PWP1: variants seen among roughly 807,000 people sequenced by gnomAD.
The protein encoded by PWP1 is periodic tryptophan protein 1 homolog.
PWP1 carries 47 observed loss-of-function variants against 69.9 expected under a neutral mutation model. That is an observed-to-expected ratio of 0.67 (90% CI 0.53 to 0.86). PWP1 has a LOEUF of 0.86. Ranked by LOEUF, PWP1 falls within the 40% of genes least tolerant of loss-of-function variation. The pLI is 0.00. For missense variants in PWP1, 551 were observed against 608.8 expected (o/e 0.91, Z 1.00); for synonymous variants, 222 against 208.2 (o/e 1.07, Z -0.57).
intron 6 of PWP1, 116 bp downstream of exon 6, chr12:107,696,700 G>C: frequency 6.8e-7 from 1 of 1,468,624 alleles, no homozygotes; most frequent in East Asian, 2.4e-5. Flanking sequence ...ATTTTCTGAA[G>C]TTACTGTTAT....
intron 5 of PWP1, 71 bp from the exon 6 acceptor site, chr12:107,696,403 T>C (rs1332930967): frequency 1.3e-6 from 2 of 1,572,140 alleles, no homozygotes; most frequent in African/African-American, 1.4e-5. Flanking sequence ...TAGAATTTGT[T>C]TTTTTGAGCG....
At position 107,710,257 on chromosome 12, in the gene PWP1, C is replaced by CGTT. The variant is rs1889920607; in HGVS notation, c.1291-148_1291-147insGTT. The CGTT allele has an allele frequency of 2.3e-6, 3 of 1,295,714 alleles. No individual in the cohort carries two copies. The Admixed American group carries it at 8.6e-5, about 37-fold the overall frequency. The allele number at this position is 1,295,714 out of a possible 1,614,324, so 80.3% of individuals were successfully genotyped here. ...CTAGCCCTTCTGACTTGACTCTGAG[C>CGTT]TACCTTTGCAGTAGGCTTGAAAGTG... On this transcript the variant is annotated intron_variant, in intron 13 of 14. Transcript: ENST00000412830.
chr12:107,709,927 C>T (rs143110941), intron 13 of PWP1, among the ~76,000 whole-genome samples: 22 of 152,098 alleles, frequency 1.4e-4, no homozygotes, highest in South Asian at 8.3e-4. Flanking sequence ...GAACATAAAC[C>T]GTGGTTACCT....
Position 107,688,454 on chromosome 12 carries a change from C to G in PWP1, c.79C>G (p.Leu27Val). The G allele has an allele frequency of 6.2e-7, 1 of 1,613,566 alleles. No homozygotes were observed. The highest frequency in any genetic ancestry group is 8.5e-7 in the Non-Finnish European group (1 of 1,179,774). Residue 27 changes from leucine (L) to valine (V), a missense_variant, in exon 2 of 15, where the codon CTG becomes GTG. Leu to Val is a conservative substitution (Grantham distance 32). Transcript: ENST00000412830. ...AATCTTTGCTCTCTTACAGGTAGAG[C>G]TGAGTAAAGAAGAAGTAAAACGCCT... ...VAKETPDKVE[L>V]SKEEVKRLIA...
At chr12:107,710,366 G>A (rs764373193) in intron 13 of PWP1, 39 bp from the exon 14 acceptor site, 2 of 1,608,772 alleles carry the variant, frequency 1.2e-6, no homozygotes, top group Non-Finnish European at 1.7e-6. Context: ...AGCGCTTTCT[G>A]AAGAGATTGA....
Position 107,702,960 on chromosome 12 carries a change from G to A in PWP1, c.832G>A (p.Asp278Asn). ...AAATGTTTTAGCAAGTGCATCAGCT[G>A]ACAACACTGTAATTCTGTGGGATAT... ...IRNVLASASADNTVILWDMSL... is the reference protein window; with the variant it reads ...IRNVLASASANNTVILWDMSL... The change falls in exon 9 of 15, where the codon GAC (aspartate) becomes AAC (asparagine). Residue 278 changes from aspartate (D) to asparagine (N), a missense_variant. Asp to Asn is a conservative substitution (Grantham distance 23). Transcript: ENST00000412830. The A allele has an allele frequency of 6.2e-7, 1 of 1,611,072 alleles. No homozygotes were observed. The highest frequency in any genetic ancestry group is 8.5e-7 in the Non-Finnish European group (1 of 1,177,284).
rs774799413 is a variant in PWP1, at chr12:107,708,991, T to A, written c.1143T>A (p.Leu381=). Residue 381 remains leucine, a synonymous_variant, in exon 12 of 15, where the codon CTT becomes CTA. Coordinates refer to ENST00000412830, the MANE Select transcript of PWP1 (RefSeq NM_007062.3). ...GTTCAGATAAGCCAATTTTTACACTTAATGCACACAATGATGAAATCTCTG... is the reference window on the plus strand; with the variant it reads ...GTTCAGATAAGCCAATTTTTACACTAAATGCACACAATGATGAAATCTCTG... ...DARSDKPIFT[L]NAHNDEISGL... is the part of the protein sequence containing the mutation. 1.2e-6 allele frequency: 2 copies of A among 1,613,910 alleles called. No homozygotes were observed. The highest frequency in any genetic ancestry group is 3.3e-5 in the Admixed American group (2 of 59,942).
At chr12:107,710,570 AAAAG>A in intron 14 of PWP1, 60 bp downstream of exon 14, 5 of 1,474,074 alleles carry the variant, frequency 3.4e-6, no homozygotes, top group East Asian at 2.4e-5. Context: ...AAAAAAAAAA[AAAAG>A]ACAGGGTCTC....
At chr12:107,704,774 C>A (rs536314126) in intron 11 of PWP1, 27 bp downstream of exon 11, 4 of 1,576,632 alleles carry the variant, frequency 2.5e-6, no homozygotes, top group Admixed American at 3.3e-5. Context: ...TGTTGTTTTG[C>A]TTTTCTAGGT....
chr12:107,701,303 T>G (rs1262722825), intron 8 of PWP1, among the ~76,000 whole-genome samples: 1 of 152,066 alleles, frequency 6.6e-6, no homozygotes, highest in Non-Finnish European at 1.5e-5. Context: ...TCCCTTTGCC[T>G]GTTTTTTGTG....
chr12:107,693,119 A>C (rs2287215), intron 5 of PWP1, 23 bp downstream of exon 5: 344,554 of 1,569,752 alleles, frequency 0.22, 43,477 homozygotes, highest in East Asian at 0.56. Flanking sequence ...TCCCTTATTA[A>C]AAGATTTTCT....
At chr12:107,686,181 C>G in intron 1 of PWP1, 3 of 604,640 alleles carry the variant, frequency 5.0e-6, no homozygotes, top group Non-Finnish European at 8.8e-6. Flanking sequence ...CGCGCCTTCT[C>G]ACTGTTCCCA....
intron 3 of PWP1, among the ~76,000 whole-genome samples, chr12:107,691,269 C>T (rs917734156): frequency 5.3e-5 from 8 of 152,168 alleles, no homozygotes; most frequent in Non-Finnish European, 1.5e-5. Context: ...GCAAGTTGAT[C>T]TGCATGAGTG....
intron 5 of PWP1, among the ~76,000 whole-genome samples, chr12:107,693,747 A>G (rs978710703): frequency 6.6e-6 from 1 of 152,154 alleles, no homozygotes; most frequent in Admixed American, 6.5e-5. Flanking sequence ...GGAGAAAAAA[A>G]TGTATAATCC....
rs570803968 is a variant in PWP1, at chr12:107,686,793, C to G, written c.72+822C>G. 1.3e-3 allele frequency among the ~76,000 whole-genome samples: 190 copies of G among 151,974 alleles called. 3 individuals are homozygous for G. Among genetic ancestry groups the G allele is most frequent in the Non-Finnish European group, 2.5e-3 (168 of 67,930 alleles). On this transcript the variant is annotated intron_variant, in intron 1 of 14. Coordinates refer to ENST00000412830, the MANE Select transcript of PWP1 (RefSeq NM_007062.3). ...CATCCTGGCTAACACGGTGAAACCCCGTCTCTACTAAAAATACAAAAAATT... is the reference window on the plus strand; with the variant it reads ...CATCCTGGCTAACACGGTGAAACCCGGTCTCTACTAAAAATACAAAAAATT...
Position 107,710,485 on chromosome 12 carries a change from C to A in PWP1, c.1371C>A (p.Val457=). 1.3e-6 allele frequency: 2 copies of A among 1,571,168 alleles called. No homozygotes were observed. The highest frequency in any genetic ancestry group is 1.8e-4 in the Middle Eastern group (1 of 5,712). The part of the protein sequence containing the change: ...AFGGQKEGLR[V]WDISTVSSVN... ...GAGGTCAAAAAGAAGGGCTTCGGGT[C>A]TGGGATATAAGCACAGTCTCTTCAG... Residue 457 remains valine (V), a synonymous_variant, in exon 14 of 15, where the codon GTC becomes GTA. Coordinates refer to ENST00000412830, the MANE Select transcript of PWP1 (RefSeq NM_007062.3).
At chr12:107,686,042 A>T (rs1889356765) in intron 1 of PWP1, 71 bp downstream of exon 1, 1 of 1,545,648 alleles carries the variant, frequency 6.5e-7, no homozygotes, top group Non-Finnish European at 8.9e-7. Flanking sequence ...CAGCTGGGGG[A>T]ACGTGGACCC....
At chr12:107,710,749 C>T (rs891190223) in intron 14 of PWP1, among the ~76,000 whole-genome samples, 1 of 152,088 alleles carries the variant, frequency 6.6e-6, no homozygotes, top group Non-Finnish European at 1.5e-5. Flanking sequence ...AATTGTTTCT[C>T]AGCATTTTGG....
Position 107,692,883 on chromosome 12 carries a change from T to A in PWP1, c.389T>A (p.Val130Asp). 6.2e-7 allele frequency: 1 copy of A among 1,613,970 alleles called. No individual in the cohort carries two copies. Among genetic ancestry groups the A allele is most frequent in the Non-Finnish European group, 8.5e-7 (1 of 1,179,864 alleles). The part of the protein sequence containing the change: ...VYGSNDQDPY[V>D]TLKDTEQYER... ...GGGAGTAATGATCAAGATCCTTACG[T>A]TACTCTGAAAGATACAGTAAGTATT... The change falls in exon 4 of 15, where the codon GTT becomes GAT. Residue 130 changes from valine (V) to aspartate (D), a missense_variant. Coordinates refer to ENST00000412830, the MANE Select transcript of PWP1 (RefSeq NM_007062.3).
Sources: allele counts gnomAD v4.1 joint callset (sites outside exome capture counted in the v4.1 genomes callset), GRCh38; gene constraint gnomAD v4.1.1; transcripts MANE v1.5; gene names NCBI Gene and HGNC (gene_info 2026-07-23, HGNC 2026-07-21).